The following GPHN variants were observed in gnomAD, a reference collection of about 807,000 sequenced individuals.
GPHN encodes the protein gephyrin.
In GPHN, 17 loss-of-function variants were observed where a neutral mutation model predicts 95.5. That is an observed-to-expected ratio of 0.18 (90% confidence interval 0.12 to 0.27). GPHN has a LOEUF of 0.27. Among genes scored for constraint, GPHN ranks in the 10% least tolerant of loss-of-function variants. The pLI, the probability that GPHN is intolerant of heterozygous loss-of-function variation, is 1.00. For missense variants in GPHN, 660 were observed against 978.1 expected (o/e 0.67, Z 4.34); for synonymous variants, 320 against 322.5 (o/e 0.99, Z 0.08).
At chr14:67,431,391 C>CAAAAAAAA in the GPHN span, among the ~76,000 whole-genome samples, 1 of 77,470 alleles carries the variant, frequency 1.3e-5, no homozygotes, top group Non-Finnish European at 2.8e-5. Flanking sequence ...GACTCTGTCT[C>CAAAAAAAA]AAAAAAAAAA....
At chr14:66,733,570 A>G (rs1279459340) in intron 2 of GPHN, among the ~76,000 whole-genome samples, 2 of 152,172 alleles carry the variant, frequency 1.3e-5, no homozygotes, top group African/African-American at 4.8e-5. Flanking sequence ...TTATGTTGCT[A>G]TAGATCTACT....
chr14:67,575,863 AG>A, the GPHN span: 1 of 1,613,948 alleles, frequency 6.2e-7, no homozygotes, highest in Non-Finnish European at 8.5e-7. Flanking sequence ...GCGCACATAG[AG>A]GAAGTAGATC....
intron 1 of GPHN, among the ~76,000 whole-genome samples, chr14:66,610,789 G>A (rs936157629): frequency 6.6e-6 from 1 of 152,128 alleles, no homozygotes; most frequent in African/African-American, 2.4e-5. Flanking sequence ...AATGAGAAGG[G>A]ATGGAGAGTT....
the GPHN span, among the ~76,000 whole-genome samples, chr14:67,699,632 A>AGAAAGTT: frequency 2.0e-4 from 30 of 150,976 alleles, no homozygotes; most frequent in Non-Finnish European, 3.1e-4. Context: ...AGAGAAAGAA[A>AGAAAGTT]GAAAGTTATG....
intron 9 of GPHN, among the ~76,000 whole-genome samples, chr14:66,989,650 A>G (rs987333018): frequency 1.5e-4 from 18 of 117,430 alleles, no homozygotes; most frequent in African/African-American, 8.7e-4. Flanking sequence ...TAACTGTCCA[A>G]TATAGAAAAA....
chr14:66,837,581 A>G (rs999605655), intron 4 of GPHN, among the ~76,000 whole-genome samples: 10 of 149,472 alleles, frequency 6.7e-5, no homozygotes, highest in Non-Finnish European at 1.2e-4. Flanking sequence ...GTACCCTAAA[A>G]CTTAAAGTAT....
the GPHN span, among the ~76,000 whole-genome samples, chr14:67,237,908 T>C: frequency 6.6e-6 from 1 of 152,192 alleles, no homozygotes; most frequent in Non-Finnish European, 1.5e-5. Flanking sequence ...CATTTCATTC[T>C]ATTTTGGGGG....
At chr14:67,508,868 C>G in the GPHN span, among the ~76,000 whole-genome samples, 1 of 150,976 alleles carries the variant, frequency 6.6e-6, no homozygotes, top group African/African-American at 2.4e-5. Flanking sequence ...TAAATATTTT[C>G]TCAGAAGAAC....
the GPHN span, among the ~76,000 whole-genome samples, chr14:67,274,089 G>A: frequency 6.6e-6 from 1 of 152,146 alleles, no homozygotes; most frequent in African/African-American, 2.4e-5. Flanking sequence ...TCACTCTGAT[G>A]GTAGTTTCTT....
intron 1 of GPHN, among the ~76,000 whole-genome samples, chr14:66,518,710 A>G (rs1325193117): frequency 3.9e-5 from 6 of 152,150 alleles, no homozygotes; most frequent in Non-Finnish European, 8.8e-5. Context: ...AGGACATTAT[A>G]TTAAGTGAAA....
chr14:67,219,558 T>C, the GPHN span, among the ~76,000 whole-genome samples: 71 of 152,220 alleles, frequency 4.7e-4, no homozygotes, highest in Non-Finnish European at 4.4e-5. Context: ...TACCCCTTAA[T>C]AGCTTTTTAA....
chr14:66,535,467 A>G (rs2059110857), intron 1 of GPHN, among the ~76,000 whole-genome samples: 1 of 151,842 alleles, frequency 6.6e-6, no homozygotes, highest in Non-Finnish European at 1.5e-5. Context: ...TTGTGTTTCC[A>G]TATACATTTA....
intron 3 of GPHN, among the ~76,000 whole-genome samples, chr14:66,797,443 A>C (rs1181243114): frequency 6.6e-6 from 1 of 151,902 alleles, no homozygotes; most frequent in Non-Finnish European, 1.5e-5. Context: ...TTTTAACAAT[A>C]GTTACTCTTC....
At chr14:67,203,364 A>G in the GPHN span, 1 of 1,286,564 alleles carries the variant, frequency 7.8e-7, no homozygotes. Flanking sequence ...CTGAAAACGG[A>G]AACACTGATG....
At chr14:66,534,027 T>C (rs943111195) in intron 1 of GPHN, among the ~76,000 whole-genome samples, 3 of 152,222 alleles carry the variant, frequency 2.0e-5, no homozygotes, top group Admixed American at 2.0e-4. Flanking sequence ...TTTCTCCTGG[T>C]CTTGGGTATT....
chr14:66,746,934 G>T (rs1046821045), intron 2 of GPHN, among the ~76,000 whole-genome samples: 3 of 152,082 alleles, frequency 2.0e-5, no homozygotes, highest in African/African-American at 7.2e-5. Flanking sequence ...GGACTGTTCA[G>T]GGTTTGGGGC....
At chr14:67,603,315 C>T in the GPHN span, among the ~76,000 whole-genome samples, 18,961 of 152,256 alleles carry the variant, frequency 0.12, 1,655 homozygotes, top group Admixed American at 0.27. Context: ...GGTGATCCTT[C>T]GGCCTCAGCC....
intron 1 of GPHN, among the ~76,000 whole-genome samples, chr14:66,606,138 C>A (rs1693349895): frequency 6.6e-6 from 1 of 152,066 alleles, no homozygotes; most frequent in Admixed American, 6.6e-5. Flanking sequence ...CTTATCTTTA[C>A]ATCTTTAATC....
chr14:66,681,279 G>T (rs2066918478), intron 2 of GPHN, 94 bp downstream of exon 2: 2 of 811,336 alleles, frequency 2.5e-6, no homozygotes, highest in South Asian at 3.0e-5. Context: ...CTTATTTAAG[G>T]TACAACAATT....
Sources: gnomAD v4.1 joint callset for allele counts (sites outside exome capture counted in the v4.1 genomes callset) on GRCh38, gnomAD v4.1.1 for gene constraint, MANE v1.5 for transcripts, NCBI Gene and HGNC (gene_info 2026-07-23, HGNC 2026-07-21) for gene names.